TYW1: variants seen among roughly 807,000 people sequenced by gnomAD.
TYW1 encodes the protein S-adenosyl-L-methionine-dependent tRNA 4-demethylwyosine synthase TYW1.
In TYW1, 46 loss-of-function variants were observed where a neutral mutation model predicts 96.2. That is an observed-to-expected ratio of 0.48 (90% CI 0.38 to 0.61). The LOEUF is 0.61. Among genes scored for constraint, TYW1 ranks in the 20% least tolerant of loss-of-function variants. The pLI, the probability that TYW1 is intolerant of heterozygous loss-of-function variation, is 0.00. For missense variants in TYW1, 684 were observed against 909.6 expected, an observed-to-expected ratio of 0.75 and a Z score of 3.19; for synonymous variants, 274 against 323.0, an observed-to-expected ratio of 0.85 and a Z score of 1.63.
chr7:67,004,463 C>T (rs572226756), intron 3 of TYW1, among the ~76,000 whole-genome samples: 3 of 152,226 alleles, frequency 2.0e-5, no homozygotes, highest in South Asian at 4.2e-4. Context: ...TCTTTGTGCT[C>T]GCCAGCTCCC....
chr7:67,180,425 A>ATT (rs1475491036), intron 13 of TYW1, among the ~76,000 whole-genome samples: 98 of 68,546 alleles, frequency 1.4e-3, no homozygotes, highest in Admixed American at 2.9e-3. Flanking sequence ...TATATATATA[A>ATT]TTTTTTTTTT....
rs758393672 is a variant in TYW1 at position 67,018,063 on chromosome 7, T to A, written c.781T>A (p.Cys261Ser). The change falls in exon 6 of 16, where the codon TGT (cysteine) becomes AGT (serine). Residue 261 changes from cysteine to serine, a missense_variant. Transcript: ENST00000359626. ...TGGCGGCCACTGCAAGAAAGGCAAA[T>A]GTGAATCTCACCAACATGGCTCAGA... ...SCGGHCKKGK[C>S]ESHQHGSEER... is the part of the protein sequence containing the mutation. The A allele has an allele frequency of 1.8e-5, 29 of 1,613,926 alleles. No homozygotes were observed. Among genetic ancestry groups the A allele is most frequent in the Non-Finnish European group, 2.4e-5 (28 of 1,180,032 alleles).
chr7:67,118,968 A>G (rs191027889), intron 13 of TYW1, among the ~76,000 whole-genome samples: 2 of 151,302 alleles, frequency 1.3e-5, no homozygotes, highest in Admixed American at 1.3e-4. Flanking sequence ...CTAGAACCAC[A>G]TTTCCTAAGC....
intron 10 of TYW1, among the ~76,000 whole-genome samples, chr7:67,070,527 C>T (rs1795999307): frequency 3.3e-5 from 5 of 151,998 alleles, no homozygotes. Context: ...TTCAAATCTT[C>T]TGTTGAAACC....
At chr7:67,209,894 T>G (rs1023049539) in intron 15 of TYW1, among the ~76,000 whole-genome samples, 9 of 151,930 alleles carry the variant, frequency 5.9e-5, no homozygotes, top group Admixed American at 5.9e-4. Flanking sequence ...TTCAATAGAC[T>G]TTATGTTTTA....
At position 66,998,196 on chromosome 7, in the gene TYW1, G is replaced by T; in HGVS notation, c.135+1G>T. On this transcript the variant is annotated splice_donor_variant, in intron 2 of 15. Coordinates refer to ENST00000359626, the MANE Select transcript of TYW1 (RefSeq NM_018264.4). LOFTEE classifies it high-confidence loss of function. ...TGTCCAGATTGTCATCAAGACGCAG[G>T]TAAGTGGAGTTATTTTTTTTTTAAT... The T allele has an allele frequency of 6.3e-7, 1 of 1,593,236 alleles. No individual in the cohort carries two copies. Among genetic ancestry groups the T allele is most frequent in the African/African-American group, 1.4e-5 (1 of 71,964 alleles).
chr7:67,143,636 A>G (rs28712541), intron 13 of TYW1, among the ~76,000 whole-genome samples: 39,431 of 151,874 alleles, frequency 0.26, 5,614 homozygotes, highest in African/African-American at 0.38. Context: ...GCATGGGGTC[A>G]GATGGGGAGT....
intron 9 of TYW1, among the ~76,000 whole-genome samples, chr7:67,058,794 T>C (rs540526770): frequency 6.6e-6 from 1 of 151,966 alleles, no homozygotes; most frequent in Admixed American, 6.5e-5. Flanking sequence ...AGTTTTAACT[T>C]TTATGTTTGG....
intron 14 of TYW1, among the ~76,000 whole-genome samples, chr7:67,187,708 T>A (rs926738725): frequency 6.6e-6 from 1 of 152,270 alleles, no homozygotes; most frequent in African/African-American, 2.4e-5. Flanking sequence ...AAATCCTTGA[T>A]TACATTTTCA....
intron 11 of TYW1, among the ~76,000 whole-genome samples, chr7:67,085,640 T>C (rs2115787297): frequency 6.6e-6 from 1 of 152,220 alleles, no homozygotes; most frequent in Middle Eastern, 3.4e-3. Flanking sequence ...GTCATGCAAA[T>C]AATGGTTCAA....
At position 67,069,489 on chromosome 7, in the gene TYW1, A is replaced by G. The variant is rs549280274; in HGVS notation, c.1274+2086A>G. 1.4e-3 allele frequency among the ~76,000 whole-genome samples: 216 copies of G among 152,350 alleles called. 1 individual carries two copies. The highest frequency in any genetic ancestry group is 5.1e-3 in the African/African-American group (212 of 41,584). On this transcript the variant is annotated intron_variant, in intron 10 of 15. Coordinates refer to ENST00000359626, the MANE Select transcript of TYW1 (RefSeq NM_018264.4). ...TGCAGTGGCTTATGCCTGTAATACT[A>G]GCATCTTGGGATGCCAAGGTGGGTG...
At chr7:67,099,344 T>C (rs1296661290) in intron 12 of TYW1, among the ~76,000 whole-genome samples, 2 of 152,162 alleles carry the variant, frequency 1.3e-5, no homozygotes, top group Non-Finnish European at 2.9e-5. Context: ...ATTTTTATCT[T>C]TATGTCTGGG....
At chr7:67,006,948 CTTTTTTTT>C (rs34475001) in intron 3 of TYW1, among the ~76,000 whole-genome samples, 6 of 45,142 alleles carry the variant, frequency 1.3e-4, no homozygotes, top group African/African-American at 5.0e-4. Flanking sequence ...AGATGTGAGG[CTTTTTTTT>C]TTTTTTTTTT....
At chr7:67,164,883 T>C (rs1342610222) in intron 13 of TYW1, among the ~76,000 whole-genome samples, 2 of 151,990 alleles carry the variant, frequency 1.3e-5, no homozygotes, top group East Asian at 3.9e-4. Context: ...GAGTTTGTAG[T>C]GTCTCGTTAT....
At chr7:67,102,455 T>C (rs889917045) in intron 12 of TYW1, among the ~76,000 whole-genome samples, 9 of 152,052 alleles carry the variant, frequency 5.9e-5, no homozygotes, top group African/African-American at 2.2e-4. Context: ...TCCAAAGAAA[T>C]AATTCTTCAT....
At chr7:67,232,447 G>C in intron 15 of TYW1, among the ~76,000 whole-genome samples, 1 of 151,548 alleles carries the variant, frequency 6.6e-6, no homozygotes, top group African/African-American at 2.4e-5. Context: ...GGCTGAGGCA[G>C]GAGAATCACT....
At chr7:67,114,535 T>C (rs1239363854) in intron 12 of TYW1, 3 of 152,214 alleles carry the variant, frequency 2.0e-5, no homozygotes, top group Admixed American at 1.3e-4. Flanking sequence ...GTACAGAGGA[T>C]TGGGCTTAAG....
At chr7:67,140,921 G>C (rs1466640938) in intron 13 of TYW1, among the ~76,000 whole-genome samples, 3 of 152,148 alleles carry the variant, frequency 2.0e-5, no homozygotes, top group Non-Finnish European at 2.9e-5. Flanking sequence ...CAAGTGTCTG[G>C]GGGTGGAGGG....
intron 13 of TYW1, among the ~76,000 whole-genome samples, chr7:67,128,717 G>T (rs1269034809): frequency 6.8e-6 from 1 of 147,528 alleles, no homozygotes; most frequent in Non-Finnish European, 1.5e-5. Context: ...TTGAGACGGA[G>T]TCTTGCTCTG....
Sources: gnomAD v4.1 joint callset for allele counts (sites outside exome capture counted in the v4.1 genomes callset) on GRCh38, gnomAD v4.1.1 for gene constraint, MANE v1.5 for transcripts, NCBI Gene and HGNC (gene_info 2026-07-23, HGNC 2026-07-21) for gene names.